Variants in SMARCA2 observed in about 807,000 individuals in gnomAD.
SMARCA2 encodes the protein SWI/SNF-related matrix-associated actin-dependent regulator of chromatin subfamily A member 2.
In SMARCA2, 61 loss-of-function variants were observed where a neutral mutation model predicts 199.8. The ratio of observed to expected loss-of-function variants is 0.31; its 90% CI spans 0.25 to 0.38. SMARCA2 has a LOEUF of 0.38. Among genes scored for constraint, SMARCA2 ranks in the 10% least tolerant of loss-of-function variants. The pLI is 1.00. For synonymous variants in SMARCA2, 935 were observed against 732.0 expected (o/e 1.28, Z -4.48); for missense variants, 1,344 against 2,012.2 (o/e 0.67, Z 6.35).
chr9:2,185,236 T>A (rs1362272789), intron 31 of SMARCA2, among the ~76,000 whole-genome samples: 1 of 152,170 alleles, frequency 6.6e-6, no homozygotes, highest in Admixed American at 6.5e-5. Flanking sequence ...TTCTATGAAT[T>A]TGCCCATTTT....
chr9:2,138,362 A>AG (rs397823806), intron 27 of SMARCA2, among the ~76,000 whole-genome samples: 146 of 102,382 alleles, frequency 1.4e-3, no homozygotes, highest in African/African-American at 0.011. Flanking sequence ...GGATGACACC[A>AG]TGACCCTTTC....
At chr9:2,105,104 G>C (rs962912696) in intron 23 of SMARCA2, among the ~76,000 whole-genome samples, 6 of 152,074 alleles carry the variant, frequency 3.9e-5, no homozygotes, top group African/African-American at 4.8e-5. Context: ...GAACGTAATT[G>C]GATAGATACC....
At chr9:2,168,285 A>T (rs1032729270) in intron 28 of SMARCA2, among the ~76,000 whole-genome samples, 1 of 152,190 alleles carries the variant, frequency 6.6e-6, no homozygotes, top group Non-Finnish European at 1.5e-5. Flanking sequence ...TGCTGGGATT[A>T]CAGGCGTGAG....
At chr9:2,190,006 G>A (rs1263324791) in intron 32 of SMARCA2, among the ~76,000 whole-genome samples, 1 of 152,126 alleles carries the variant, frequency 6.6e-6, no homozygotes, top group South Asian at 2.1e-4. Context: ...AGCAAAGCTA[G>A]CTTGAATGAG....
Position 2,110,425 on chromosome 9 carries a change from T to C in SMARCA2, c.3456+8T>C, listed in dbSNP as rs759412925. On this transcript the variant is annotated splice_region_variant and intron_variant, in intron 24 of 33. Transcript: ENST00000349721. This position sits in a 1 kb window ranked among gnomAD's most constrained non-coding sequence, Gnocchi z 4.8. ...GACTGGAATCCTCATCAGGTCTGCA[T>C]GTCCCACTCAGGTGCCCAGGCCTCC... The C allele has an allele frequency of 1.9e-6, 3 of 1,583,346 alleles. No homozygotes were observed. The Admixed American group carries it at 5.7e-5, about 30-fold the overall frequency.
intron 27 of SMARCA2, among the ~76,000 whole-genome samples, chr9:2,134,227 TACTC>T (rs1486524557): frequency 2.0e-5 from 3 of 152,214 alleles, no homozygotes; most frequent in Admixed American, 6.5e-5. Flanking sequence ...TCCTTTCGCT[TACTC>T]ACTAATGGAA....
rs138319318 is a variant in SMARCA2 at position 2,084,145 on chromosome 9, C to A, written c.2475C>A (p.Val825=). Residue 825 remains valine, a synonymous_variant, in exon 17 of 34, where the codon GTC becomes GTA. Transcript: ENST00000349721. ...AGCTACGGAGTGGCAAATTCAATGT[C>A]CTCTTGACTACTTATGAGTATATTA... ...VPQLRSGKFN[V]LLTTYEYIIK... is the part of the protein sequence containing the mutation. The A allele has an allele frequency of 1.8e-5, 29 of 1,611,780 alleles. No homozygotes were observed. The African/African-American group carries it at 3.5e-4, about 19-fold the overall frequency.
intron 21 of SMARCA2, among the ~76,000 whole-genome samples, chr9:2,100,523 G>A (rs1003150726): frequency 2.6e-5 from 4 of 152,072 alleles, no homozygotes; most frequent in South Asian, 2.1e-4. Flanking sequence ...CCAATGTGGC[G>A]AAACCCTGTT....
At position 2,161,700 on chromosome 9, in the gene SMARCA2, C is replaced by A; in HGVS notation, c.3996C>A (p.Gly1332=). 6.2e-7 allele frequency: 1 copy of A among 1,613,284 alleles called. No homozygotes were observed. The highest frequency in any genetic ancestry group is 8.5e-7 in the Non-Finnish European group (1 of 1,179,538). ...CCAACGAACAGGCCATCGAAGACGG[C>A]AATTTGGAGGAAATGGAAGAGGAAG... ...EKQWLRAIED[G]NLEEMEEEVR... is the part of the protein sequence containing the mutation. Residue 1332 remains glycine, a synonymous_variant, in exon 28 of 34, where the codon GGC becomes GGA. Transcript: ENST00000349721. The surrounding 1 kb of genome is among the most constrained non-coding windows in gnomAD (Gnocchi z 4.7).
intron 19 of SMARCA2, among the ~76,000 whole-genome samples, chr9:2,089,485 G>C (rs1206849841): frequency 1.3e-5 from 2 of 152,076 alleles, no homozygotes; most frequent in Non-Finnish European, 2.9e-5. Context: ...TGGACAGATT[G>C]GTTCATCCTG....
At chr9:2,186,024 T>C (rs898300890) in intron 31 of SMARCA2, 72 bp from the exon 32 acceptor site, 61 of 1,401,806 alleles carry the variant, frequency 4.4e-5, no homozygotes, top group Non-Finnish European at 5.5e-5. Context: ...AGCTGGTGTA[T>C]TGCATAAGGA....
chr9:2,166,558 C>T (rs2129681128), intron 28 of SMARCA2, among the ~76,000 whole-genome samples: 1 of 152,308 alleles, frequency 6.6e-6, no homozygotes, highest in South Asian at 2.1e-4. Flanking sequence ...AGCCTTACTA[C>T]TTTTCATCCC....
intron 6 of SMARCA2, among the ~76,000 whole-genome samples, chr9:2,054,947 T>C (rs75930907): frequency 0.014 from 2,189 of 152,320 alleles, 45 homozygotes; most frequent in African/African-American, 0.05. Context: ...AAAGAGTTTT[T>C]CCTCCTGTAC....
chr9:2,102,902 A>G (rs1257875803), intron 22 of SMARCA2, among the ~76,000 whole-genome samples: 1 of 144,698 alleles, frequency 6.9e-6, no homozygotes, highest in Non-Finnish European at 1.5e-5. Context: ...CCCATCCTCC[A>G]CCTCTCTGTC....
chr9:2,139,134 G>A (rs756032005), intron 27 of SMARCA2, among the ~76,000 whole-genome samples: 2 of 152,158 alleles, frequency 1.3e-5, no homozygotes, highest in Non-Finnish European at 2.9e-5. Context: ...TTGCCACAGG[G>A]GTTTACTGTA....
In SMARCA2 at chr9:2,159,796, C is replaced by CT. The variant is rs534526908; in HGVS notation, c.3982-1882dup. On this transcript the variant is annotated intron_variant, in intron 27 of 33. Coordinates refer to ENST00000349721, the MANE Select transcript of SMARCA2 (RefSeq NM_003070.5). Reference sequence around the variant, plus strand: ...GAAAACACAGCCTTTCCCCAGCTCTCTTTTTTTTCCTGATCAGCTGATGAA... The same window carrying CT: ...GAAAACACAGCCTTTCCCCAGCTCTCTTTTTTTTTCCTGATCAGCTGATGAA... The CT allele has an allele frequency of 3.0e-4, 479 of 1,603,172 alleles. 1 individual carries two copies. The highest frequency in any genetic ancestry group is 1.3e-3 in the African/African-American group (100 of 74,872).
At chr9:2,051,753 C>T (rs1484446434) in intron 5 of SMARCA2, among the ~76,000 whole-genome samples, 25 of 152,114 alleles carry the variant, frequency 1.6e-4, no homozygotes, top group Admixed American at 1.6e-3. Context: ...CATGGGCTCA[C>T]GCCACTATAA....
At position 2,029,258 on chromosome 9, in the gene SMARCA2, G is replaced by A. The variant is rs1165646282; in HGVS notation, c.225+11G>A. 1 of 1,603,916 alleles carries A rather than the reference G, an allele frequency of 6.2e-7. No homozygotes were observed. Among genetic ancestry groups the A allele is most frequent in the Non-Finnish European group, 8.5e-7 (1 of 1,174,280 alleles). ...CATCAAATGCATAAGGTAAGAGTTTGTTCTCCCATTCAAACTCAACTTCTG... is the reference window on the plus strand; with the variant it reads ...CATCAAATGCATAAGGTAAGAGTTTATTCTCCCATTCAAACTCAACTTCTG... On this transcript the variant is annotated intron_variant, in intron 2 of 33. Coordinates refer to ENST00000349721, the MANE Select transcript of SMARCA2 (RefSeq NM_003070.5).
In SMARCA2 at chr9:2,169,950, G is replaced by A. The variant is rs939250742; in HGVS notation, c.4200-469G>A. Among the ~76,000 whole-genome samples, 3 of 152,158 alleles carry A rather than the reference G, an allele frequency of 2.0e-5. No homozygotes were observed. Among genetic ancestry groups the A allele is most frequent in the African/African-American group, 7.2e-5 (3 of 41,422 alleles). On this transcript the variant is annotated intron_variant, in intron 28 of 33. Transcript: ENST00000349721. The surrounding 1 kb of genome is among the most constrained non-coding windows in gnomAD (Gnocchi z 6.5). The stretch of plus-strand genomic sequence containing the variant: ...TCAGACCCAAATTGGCTGATGCTTG[G>A]AATACCTTCTTTGTGCAGGCTACTG...
Sources: gnomAD v4.1 joint callset for allele counts (sites outside exome capture counted in the v4.1 genomes callset) on GRCh38, gnomAD v4.1.1 for gene constraint, Gnocchi (gnomAD v3.1) non-coding constraint, MANE v1.5 for transcripts, NCBI Gene and HGNC (gene_info 2026-07-23, HGNC 2026-07-21) for gene names.